Variants in SAMD5 observed in about 807,000 individuals in gnomAD.
The protein encoded by SAMD5 is sterile alpha motif domain containing 5.
Under a neutral mutation model 11.3 loss-of-function variants are expected in SAMD5, and 13 were observed. The observed-to-expected ratio is 1.15, with a 90% CI of 0.75 to 1.83. The LOEUF (loss-of-function observed/expected upper bound fraction) is 1.83, where lower values mean the gene tolerates loss of function less well. SAMD5 is among the 40% of genes most tolerant of loss of function. The pLI is 0.00. For missense variants in SAMD5, 255 were observed against 239.1 expected, an observed-to-expected ratio of 1.07 and a Z score of -0.44; for synonymous variants, 129 against 111.3, an observed-to-expected ratio of 1.16 and a Z score of -1.00.
rs748559043 is a variant in SAMD5 at position 147,508,939 on chromosome 6, A to G, written c.11A>G (p.Asn4Ser). The G allele has an allele frequency of 6.3e-7, 1 of 1,594,618 alleles. No homozygotes were observed. The highest frequency in any genetic ancestry group is 2.4e-5 in the East Asian group (1 of 42,500). Residue 4 changes from asparagine (N) to serine (S), a missense_variant, in exon 1 of 2, where the codon AAC becomes AGC. Physicochemically the swap from Asn to Ser is conservative, Grantham distance 46 (BLOSUM62 1). Transcript: ENST00000367474. MCT[N>S]IVYEWLKALQ... The stretch of plus-strand genomic sequence containing the variant: ...GTTCCCGGTCCCACCATGTGCACCA[A>G]CATAGTTTACGAGTGGCTCAAAGCG...
chr6:147,606,506 T>G (rs944382721), intron 1 of SAMD5, among the ~76,000 whole-genome samples: 1 of 152,056 alleles, frequency 6.6e-6, no homozygotes, highest in Non-Finnish European at 1.5e-5. Flanking sequence ...ATGGAACATC[T>G]GTTACCCCTG....
At chr6:147,855,337 A>G in the SAMD5 span, among the ~76,000 whole-genome samples, 1,261 of 152,304 alleles carry the variant, frequency 8.3e-3, 16 homozygotes, top group African/African-American at 0.028. Flanking sequence ...CTTACAGAAG[A>G]TAAAATTTAA....
chr6:147,635,876 C>A (rs1790223987), intron 1 of SAMD5, among the ~76,000 whole-genome samples: 1 of 152,216 alleles, frequency 6.6e-6, no homozygotes, highest in Non-Finnish European at 1.5e-5. Flanking sequence ...ATCAGCTCAA[C>A]TATGCCAATT....
chr6:147,523,037 T>C (rs1384798987), intron 1 of SAMD5, among the ~76,000 whole-genome samples: 1 of 152,174 alleles, frequency 6.6e-6, no homozygotes. Flanking sequence ...TCTGGAATTC[T>C]ATTCTTCTTC....
chr6:147,945,129 C>T, the SAMD5 span, among the ~76,000 whole-genome samples: 4,944 of 152,308 alleles, frequency 0.032, 129 homozygotes, highest in Non-Finnish European at 0.043. Context: ...TGCCTATTCT[C>T]CATTTCTAGA....
At chr6:147,699,065 A>G (rs1013251326) in intron 1 of SAMD5, among the ~76,000 whole-genome samples, 6 of 152,088 alleles carry the variant, frequency 3.9e-5, no homozygotes, top group African/African-American at 1.4e-4. Flanking sequence ...CAAACATGGA[A>G]AGGATTTCCT....
chr6:147,768,019 A>G, the SAMD5 span, among the ~76,000 whole-genome samples: 1 of 152,234 alleles, frequency 6.6e-6, no homozygotes, highest in Non-Finnish European at 1.5e-5. Context: ...GCCATTCACC[A>G]TTACTTGATT....
intron 1 of SAMD5, among the ~76,000 whole-genome samples, chr6:147,616,636 GT>G (rs1206678594): frequency 6.6e-6 from 1 of 152,096 alleles, no homozygotes; most frequent in African/African-American, 2.4e-5. Flanking sequence ...GTATTAGTCT[GT>G]TTTCATACTC....
chr6:147,848,512 A>G, the SAMD5 span, among the ~76,000 whole-genome samples: 1 of 152,324 alleles, frequency 6.6e-6, no homozygotes, highest in Admixed American at 6.5e-5. Flanking sequence ...TGTTTTCAAT[A>G]TCCTCAATTT....
At position 147,564,928 on chromosome 6, in the gene SAMD5, A is replaced by G. The variant is rs370819434; in HGVS notation, c.*472A>G. The stretch of plus-strand genomic sequence containing the variant: ...TATATTCAAGCATACATTCTACTTC[A>G]TTTCATATAGGACCATGTTTTTATA... On this transcript the variant is annotated 3_prime_UTR_variant, in exon 2 of 2. Transcript: ENST00000367474. 1.8e-4 allele frequency: 152 copies of G among 837,120 alleles called. No individual in the cohort carries two copies. The African/African-American group carries it at 2.6e-3, about 15-fold the overall frequency. 51.9% of individuals were successfully genotyped at this position (837,120 alleles called of 1,614,324 possible).
At chr6:147,621,638 G>T (rs1583110434) in intron 1 of SAMD5, among the ~76,000 whole-genome samples, 1 of 152,226 alleles carries the variant, frequency 6.6e-6, no homozygotes, top group South Asian at 2.1e-4. Flanking sequence ...AGGTCAACAA[G>T]CCAGATAAAA....
At chr6:147,870,235 T>A in the SAMD5 span, among the ~76,000 whole-genome samples, 1 of 151,986 alleles carries the variant, frequency 6.6e-6, no homozygotes, top group South Asian at 2.1e-4. Context: ...AGGGTATGCA[T>A]CTAGCACGGT....
At chr6:147,564,299 G>A in intron 1 of SAMD5, 95 bp from the exon 2 acceptor site, 2 of 738,512 alleles carry the variant, frequency 2.7e-6, no homozygotes, top group Non-Finnish European at 5.0e-6. Flanking sequence ...AAAGGGACAA[G>A]AATGACTTAA....
intron 1 of SAMD5, among the ~76,000 whole-genome samples, chr6:147,651,681 A>G (rs1790486281): frequency 6.6e-6 from 1 of 152,208 alleles, no homozygotes. Context: ...CATGAGAAAT[A>G]TATTTCTGTT....
the SAMD5 span, among the ~76,000 whole-genome samples, chr6:147,786,930 T>C: frequency 6.6e-6 from 1 of 152,200 alleles, no homozygotes; most frequent in South Asian, 2.1e-4. Context: ...TTTTGAGATT[T>C]GCAAGGATAT....
At chr6:147,686,311 C>T (rs1196176971) in intron 1 of SAMD5, among the ~76,000 whole-genome samples, 1 of 152,110 alleles carries the variant, frequency 6.6e-6, no homozygotes, top group African/African-American at 2.4e-5. Flanking sequence ...TCATTTATAG[C>T]TAGTGGTTTT....
At chr6:147,706,279 T>G (rs1401557294) in intron 1 of SAMD5, among the ~76,000 whole-genome samples, 1 of 152,162 alleles carries the variant, frequency 6.6e-6, no homozygotes, top group Non-Finnish European at 1.5e-5. Context: ...TGGAGTGCAG[T>G]GGCGCGATCT....
At chr6:147,578,390 A>T (rs1361221923) in intron 1 of SAMD5, among the ~76,000 whole-genome samples, 2 of 152,158 alleles carry the variant, frequency 1.3e-5, no homozygotes, top group African/African-American at 4.8e-5. Context: ...AAGAAGAGTG[A>T]TCCTAAGTTA....
At chr6:147,517,654 G>T (rs544270919) in intron 1 of SAMD5, among the ~76,000 whole-genome samples, 1 of 152,086 alleles carries the variant, frequency 6.6e-6, no homozygotes, top group Non-Finnish European at 1.5e-5. Context: ...CAGTGTTGCT[G>T]TTTCTGTGTT....
Sources: allele counts gnomAD v4.1 joint callset (sites outside exome capture counted in the v4.1 genomes callset), GRCh38; gene constraint gnomAD v4.1.1; transcripts MANE v1.5; gene names NCBI Gene and HGNC (gene_info 2026-07-23, HGNC 2026-07-21).